Variants in SEL1L2 observed in about 807,000 individuals in gnomAD.
SEL1L2 encodes SEL1L2 adaptor subunit of SYVN1 ubiquitin ligase, also known as protein sel-1 homolog 2.
Under a neutral mutation model 98.8 loss-of-function variants are expected in SEL1L2, and 89 were observed. The ratio of observed to expected loss-of-function variants is 0.90; its 90% CI spans 0.76 to 1.07. The LOEUF (loss-of-function observed/expected upper bound fraction) is 1.07, where lower values mean the gene tolerates loss of function less well. Ranked by LOEUF, SEL1L2 falls within the 50% of genes least tolerant of loss-of-function variation. SEL1L2 has a pLI of 0.00. For missense variants in SEL1L2, 788 were observed against 812.0 expected, an observed-to-expected ratio of 0.97 and a Z score of 0.36; for synonymous variants, 262 against 278.5, an observed-to-expected ratio of 0.94 and a Z score of 0.59.
intron 1 of SEL1L2, among the ~76,000 whole-genome samples, chr20:13,979,324 A>T (rs2051696922): frequency 6.6e-6 from 1 of 152,198 alleles, no homozygotes; most frequent in South Asian, 2.1e-4. Context: ...TAAGAGAAAT[A>T]AATTCTAGTG....
intron 1 of SEL1L2, among the ~76,000 whole-genome samples, chr20:13,964,153 CA>C (rs2050918261): frequency 6.6e-6 from 1 of 152,066 alleles, no homozygotes; most frequent in South Asian, 2.1e-4. Context: ...GGGTTACAGG[CA>C]TGAGCCACTG....
At chr20:13,871,792 G>A (rs149697351) in intron 12 of SEL1L2, among the ~76,000 whole-genome samples, 15 of 152,174 alleles carry the variant, frequency 9.9e-5, no homozygotes, top group Non-Finnish European at 1.5e-4. Context: ...GATTACAGGC[G>A]TGAGACACCG....
At chr20:13,926,312 T>C (rs1023376602) in intron 3 of SEL1L2, among the ~76,000 whole-genome samples, 20 of 109,794 alleles carry the variant, frequency 1.8e-4, no homozygotes, top group Admixed American at 1.5e-3. Flanking sequence ...GAGACTCCGT[T>C]TCAAACAAAA....
chr20:13,881,172 C>T (rs1290743359), intron 10 of SEL1L2, among the ~76,000 whole-genome samples: 1 of 152,142 alleles, frequency 6.6e-6, no homozygotes, highest in Non-Finnish European at 1.5e-5. Flanking sequence ...CACCACCATG[C>T]CCAGCTAATT....
At chr20:13,878,303 C>T (rs909101979) in intron 10 of SEL1L2, among the ~76,000 whole-genome samples, 2 of 83,350 alleles carry the variant, frequency 2.4e-5, no homozygotes, top group Admixed American at 1.9e-4. Flanking sequence ...GGTATGAAAC[C>T]GCTCTTTTTT....
At chr20:13,982,902 T>C (rs1193695323) in intron 1 of SEL1L2, among the ~76,000 whole-genome samples, 3 of 150,934 alleles carry the variant, frequency 2.0e-5, no homozygotes, top group African/African-American at 4.9e-5. Context: ...TGAGCACCTG[T>C]AGTCCCAGCT....
intron 3 of SEL1L2, among the ~76,000 whole-genome samples, chr20:13,921,472 G>A (rs1223261565): frequency 2.0e-5 from 3 of 151,912 alleles, no homozygotes; most frequent in East Asian, 3.9e-4. Context: ...ACACTCAGCC[G>A]CTGTTTATTA....
At position 13,961,722 on chromosome 20, in the gene SEL1L2, G is replaced by T. The variant is rs190921209; in HGVS notation, c.59-5591C>A. Among the ~76,000 whole-genome samples, 3 of 152,296 alleles carry T rather than the reference G, an allele frequency of 2.0e-5. No individual in the cohort carries two copies. In the East Asian group the frequency reaches 5.8e-4, roughly 29 times the overall value. ...CTCAGAAGGCAGAGCCAAGCCCAGA[G>T]GGTATTGCCAAGAGCCAAATAGAAC... On this transcript the variant is annotated intron_variant, in intron 1 of 19. Coordinates refer to ENST00000284951, the MANE Select transcript of SEL1L2 (RefSeq NM_025229.2).
intron 1 of SEL1L2, among the ~76,000 whole-genome samples, chr20:13,983,050 C>CAAAAAAAAAAAAAAAA (rs2051937441): frequency 3.8e-5 from 1 of 26,092 alleles, no homozygotes; most frequent in African/African-American, 9.6e-5. Context: ...AAAAAAAAAG[C>CAAAAAAAAAAAAAAAA]AGCAGCCAAG....
intron 5 of SEL1L2, among the ~76,000 whole-genome samples, chr20:13,896,207 C>T (rs928657798): frequency 6.6e-6 from 1 of 152,048 alleles, no homozygotes; most frequent in Admixed American, 6.6e-5. Context: ...CACGGTGGCT[C>T]ACGCCTGTAA....
intron 5 of SEL1L2, among the ~76,000 whole-genome samples, chr20:13,899,252 T>C (rs2047560753): frequency 6.6e-6 from 1 of 152,144 alleles, no homozygotes; most frequent in South Asian, 2.1e-4. Context: ...GGTCATGGCA[T>C]GTATTCTTTT....
chr20:13,915,972 G>T (rs1056551297), intron 4 of SEL1L2, among the ~76,000 whole-genome samples: 1 of 152,086 alleles, frequency 6.6e-6, no homozygotes, highest in Admixed American at 6.5e-5. Flanking sequence ...TAGAACAACG[G>T]CTTATCTTCG....
intron 2 of SEL1L2, among the ~76,000 whole-genome samples, chr20:13,937,177 C>G (rs1037536960): frequency 2.6e-4 from 40 of 152,202 alleles, no homozygotes; most frequent in Non-Finnish European, 4.9e-4. Context: ...CCCAAGACTC[C>G]TCAGTATCAC....
At chr20:13,864,590 T>C (rs1350380282) in intron 17 of SEL1L2, among the ~76,000 whole-genome samples, 3 of 152,324 alleles carry the variant, frequency 2.0e-5, no homozygotes, top group Non-Finnish European at 4.4e-5. Flanking sequence ...ATCCATGTGA[T>C]GCCAGCAAGC....
chr20:13,963,455 G>A (rs182335298), intron 1 of SEL1L2, among the ~76,000 whole-genome samples: 2,117 of 143,020 alleles, frequency 0.015, 23 homozygotes, highest in Non-Finnish European at 0.022. Context: ...GGTGGCTCAC[G>A]CCTGGAATCC....
chr20:13,947,587 A>T (rs1241218088), intron 2 of SEL1L2, among the ~76,000 whole-genome samples: 2 of 149,936 alleles, frequency 1.3e-5, no homozygotes, highest in East Asian at 3.9e-4. Flanking sequence ...GAATTGAAAG[A>T]GCTGTAACAC....
intron 1 of SEL1L2, among the ~76,000 whole-genome samples, chr20:13,979,541 G>A (rs1406513887): frequency 3.3e-5 from 5 of 152,022 alleles, no homozygotes; most frequent in African/African-American, 4.8e-5. Flanking sequence ...ATGTATCAAC[G>A]AAAAACAAAA....
chr20:13,907,567 T>G (rs2047989485), intron 5 of SEL1L2, among the ~76,000 whole-genome samples: 1 of 152,080 alleles, frequency 6.6e-6, no homozygotes, highest in South Asian at 2.1e-4. Context: ...AGATCCTATC[T>G]CAGAAATAAA....
chr20:13,948,920 A>G (rs2050136687), intron 2 of SEL1L2, among the ~76,000 whole-genome samples: 1 of 152,216 alleles, frequency 6.6e-6, no homozygotes, highest in Admixed American at 6.5e-5. Flanking sequence ...AAACAAATAT[A>G]AGTTTCAAGC....
Sources: gnomAD v4.1 joint callset for allele counts (sites outside exome capture counted in the v4.1 genomes callset) on GRCh38, gnomAD v4.1.1 for gene constraint, MANE v1.5 for transcripts, NCBI Gene and HGNC (gene_info 2026-07-23, HGNC 2026-07-21) for gene names.